IFT22: variants seen among roughly 807,000 people sequenced by gnomAD.
IFT22 encodes the protein intraflagellar transport protein 22 homolog.
A neutral mutation model predicts 21.0 loss-of-function variants in IFT22; 13 were observed. The observed-to-expected ratio is 0.62, with a 90% CI of 0.40 to 0.98. IFT22 has a LOEUF of 0.98. IFT22 is among the 50% of genes least tolerant of loss of function. The pLI is 0.00. For missense variants in IFT22, 227 were observed against 228.9 expected (o/e 0.99, Z 0.06); for synonymous variants, 67 against 82.4 (o/e 0.81, Z 1.01).
At chr7:101,318,381 A>C in intron 2 of IFT22, 168 bp from the exon 3 acceptor site, 1 of 484,482 alleles carries the variant, frequency 2.1e-6, no homozygotes, top group South Asian at 1.9e-5. Context: ...TTAGCTGGGC[A>C]TGATGGTGTG....
Position 101,316,375 on chromosome 7 carries a change from G to C in IFT22, c.374C>G (p.Pro125Arg). ...GCTTCCTTTATCATCTCCAGAGCCT[G>C]GTTTGTGGTGTGCAATTAGCATACA... ...TQCMLIAHHK[P>R]GSGDDKGSLS... The change falls in exon 4 of 5, where the codon CCA becomes CGA. Residue 125 changes from proline (P) to arginine (R), a missense_variant. Coordinates refer to ENST00000315322, the MANE Select transcript of IFT22 (RefSeq NM_022777.4). 6.2e-7 allele frequency: 1 copy of C among 1,614,164 alleles called. No homozygotes were observed. Among genetic ancestry groups the C allele is most frequent in the Non-Finnish European group, 8.5e-7 (1 of 1,180,036 alleles).
At chr7:101,317,261 C>T (rs931538351) in intron 3 of IFT22, among the ~76,000 whole-genome samples, 2 of 151,970 alleles carry the variant, frequency 1.3e-5, no homozygotes, top group East Asian at 1.9e-4. Context: ...CAGGTTCAAG[C>T]GATTCTCGTG....
Position 101,313,386 on chromosome 7 carries a change from A to G in IFT22, c.*1748T>C. 1 of 150,462 alleles carries G rather than the reference A, an allele frequency of 6.6e-6. No individual in the cohort carries two copies. The highest frequency in any genetic ancestry group is 2.1e-4 in the South Asian group (1 of 4,748). The allele number at this position is 150,462 out of a possible 1,614,324, so 9.3% of individuals were successfully genotyped here. ...TTTTTTTGCTCTGTCACCAGGCTGG[A>G]GTGCAGTGGTGCGATCTCGGCTCAC... On this transcript the variant is annotated 3_prime_UTR_variant, in exon 5 of 5. Coordinates refer to ENST00000315322, the MANE Select transcript of IFT22 (RefSeq NM_022777.4).
rs1485359758 is a variant in IFT22, at chr7:101,313,443, C to A, written c.*1691G>T. The A allele has an allele frequency of 9.2e-6, 1 of 108,838 alleles. No individual in the cohort carries two copies. Among genetic ancestry groups the A allele is most frequent in the African/African-American group, 3.5e-5 (1 of 28,970 alleles). The allele number at this position is 108,838 out of a possible 1,614,324, so 6.7% of individuals were successfully genotyped here. The stretch of plus-strand genomic sequence containing the variant: ...CTCCGCCTCGCGGGTTCAGGCAATT[C>A]TGCCTCACCCTTCTGAGTAGCTGGG... On this transcript the variant is annotated 3_prime_UTR_variant, in exon 5 of 5. Transcript: ENST00000315322.
intron 4 of IFT22, chr7:101,316,130 C>G (rs922208878): frequency 3.3e-5 from 18 of 545,210 alleles, no homozygotes; most frequent in African/African-American, 3.2e-4. Flanking sequence ...CCCTGAGTAG[C>G]TGGGAGTACA....
chr7:101,318,189 A>T lies in IFT22; in HGVS notation c.141T>A (p.His47Gln), dbSNP rs1790219357. ...GVRILEFENP[H>Q]VTSNNKGTGC... ...CCGTGCCTTTGTTGTTGCTGGTAAC[A>T]TGCGGGTTCTCAAATTCTAGGATCC... Residue 47 changes from histidine (H) to glutamine (Q), a missense_variant, in exon 3 of 5, where the codon CAT becomes CAA. By Grantham distance (24) the His-to-Gln change is conservative (BLOSUM62 0). Transcript: ENST00000315322. 6.2e-7 allele frequency: 1 copy of T among 1,611,912 alleles called. No individual in the cohort carries two copies. The highest frequency in any genetic ancestry group is 8.5e-7 in the Non-Finnish European group (1 of 1,178,474).
Position 101,314,011 on chromosome 7 carries a change from C to A in IFT22, c.*1123G>T, listed in dbSNP as rs1435506029. ...AGCTGGTATTACAGGCGTGTGCCAA[C>A]ACACCCTGTGAATTTTTGTATTTTT... On this transcript the variant is annotated 3_prime_UTR_variant, in exon 5 of 5. Coordinates refer to ENST00000315322, the MANE Select transcript of IFT22 (RefSeq NM_022777.4). The A allele has an allele frequency of 6.6e-6, 1 of 151,818 alleles. No individual in the cohort carries two copies. The highest frequency in any genetic ancestry group is 1.5e-5 in the Non-Finnish European group (1 of 68,044). 9.4% of individuals were successfully genotyped at this position (151,818 alleles called of 1,614,324 possible).
At chr7:101,316,248 G>T in intron 4 of IFT22, 92 bp downstream of exon 4, 1 of 1,212,826 alleles carries the variant, frequency 8.2e-7, no homozygotes, top group Non-Finnish European at 1.2e-6. Context: ...CTCAGTAACT[G>T]GACAGAGCTG....
intron 1 of IFT22, among the ~76,000 whole-genome samples, chr7:101,321,104 C>G (rs1361321801): frequency 6.6e-6 from 1 of 152,142 alleles, no homozygotes; most frequent in Non-Finnish European, 1.5e-5. Context: ...GATCATGCCA[C>G]TGCACTCCAG....
chr7:101,315,412 A>C, intron 4 of IFT22, 130 bp from the exon 5 acceptor site: 1 of 987,558 alleles, frequency 1.0e-6, no homozygotes, highest in Middle Eastern at 3.1e-4. Context: ...TTGACACCAG[A>C]GAACAGAGAA....
chr7:101,311,438 T>G lies in IFT22; in HGVS notation c.*3696A>C, dbSNP rs886225712. On this transcript the variant is annotated 3_prime_UTR_variant, in exon 5 of 5. Coordinates refer to ENST00000315322, the MANE Select transcript of IFT22 (RefSeq NM_022777.4). Reference sequence around the variant, plus strand: ...GTTCAGTTGACATTAATAATACGCATGGTAATCCTAACAGGTGAATGTGGT... The same window carrying G: ...GTTCAGTTGACATTAATAATACGCAGGGTAATCCTAACAGGTGAATGTGGT... Among the ~76,000 whole-genome samples, 1 of 152,200 alleles carries G rather than the reference T, an allele frequency of 6.6e-6. No individual in the cohort carries two copies. Among genetic ancestry groups the G allele is most frequent in the African/African-American group, 2.4e-5 (1 of 41,460 alleles).
At position 101,315,181 on chromosome 7, in the gene IFT22, A is replaced by G. The variant is rs1435961999; in HGVS notation, c.511T>C (p.Ser171Pro). The G allele has an allele frequency of 6.2e-7, 1 of 1,613,606 alleles. No individual in the cohort carries two copies. The change falls in exon 5 of 5, where the codon TCC becomes CCC. Residue 171 changes from serine to proline, a missense_variant. Transcript: ENST00000315322. ...TCCCTGTCTCTGCTCTCAGACATGG[A>G]GTTGATTATGCTTTTTAAATACTTT... Reference protein sequence around the residue: ...FIKYLKSIINSMSESRDREEM... With the variant: ...FIKYLKSIINPMSESRDREEM...
rs143525764 is a variant in IFT22 at position 101,312,635 on chromosome 7, A to C, written c.*2499T>G. ...ACTGCAACCTCTGCCTCCTGGGTTC[A>C]AGTGATTCTCCTCCCTCAGCTTCCT... On this transcript the variant is annotated 3_prime_UTR_variant, in exon 5 of 5. Coordinates refer to ENST00000315322, the MANE Select transcript of IFT22 (RefSeq NM_022777.4). Among the ~76,000 whole-genome samples, 2,001 of 145,268 alleles carry C rather than the reference A, an allele frequency of 0.014. 172 individuals carry two copies. Among genetic ancestry groups the C allele is most frequent in the Admixed American group, 0.13 (1,875 of 13,928 alleles).
In IFT22 at chr7:101,311,732, C is replaced by T. The variant is rs1300051511; in HGVS notation, c.*3402G>A. 1.3e-5 allele frequency among the ~76,000 whole-genome samples: 2 copies of T among 152,182 alleles called. No individual in the cohort carries two copies. Among genetic ancestry groups the T allele is most frequent in the South Asian group, 2.1e-4 (1 of 4,830 alleles). ...TTATGAATGAAAAATAACTCCATGG[C>T]TGGGTGCAGTGGCTCACACCTGTAA... On this transcript the variant is annotated 3_prime_UTR_variant, in exon 5 of 5. Transcript: ENST00000315322.
Position 101,315,245 on chromosome 7 carries a change from G to T in IFT22, c.447C>A (p.Asn149Lys), listed in dbSNP as rs148720859. ...PLNKLKLVHS[N>K]LEDDPEEIRM... ...GGATCTCCTCAGGGTCATCTTCCAG[G>T]TTTGAGTGCACCAGCTTCAGCTTGT... Residue 149 changes from asparagine (N) to lysine (K), a missense_variant, in exon 5 of 5, where the codon AAC (asparagine) becomes AAA (lysine). Asn to Lys is a moderately conservative substitution (Grantham distance 94). Transcript: ENST00000315322. 2.5e-6 allele frequency: 4 copies of T among 1,613,978 alleles called. No individual in the cohort carries two copies. Among genetic ancestry groups the T allele is most frequent in the Non-Finnish European group, 2.5e-6 (3 of 1,180,002 alleles).
At chr7:101,317,216 T>C (rs1248578326) in intron 3 of IFT22, among the ~76,000 whole-genome samples, 2 of 152,110 alleles carry the variant, frequency 1.3e-5, no homozygotes, top group Admixed American at 6.6e-5. Flanking sequence ...TTGAGTGCCG[T>C]AGCACGATCT....
intron 3 of IFT22, among the ~76,000 whole-genome samples, chr7:101,317,159 T>A (rs1350381773): frequency 6.6e-6 from 1 of 151,676 alleles, no homozygotes; most frequent in Non-Finnish European, 1.5e-5. Flanking sequence ...AAATTATTAT[T>A]ATTATTATTA....
chr7:101,315,072 A>G lies in IFT22; in HGVS notation c.*62T>C. The G allele has an allele frequency of 1.3e-6, 2 of 1,545,596 alleles. No homozygotes were observed. The highest frequency in any genetic ancestry group is 1.8e-6 in the Non-Finnish European group (2 of 1,138,002). On this transcript the variant is annotated 3_prime_UTR_variant, in exon 5 of 5. Transcript: ENST00000315322. ...AACATCAGGAGCTGGATGTGATTTC[A>G]GATCTGCACCGAGAAACATGCTGAT...
chr7:101,310,948 T>TTGTACTC lies in IFT22; in HGVS notation c.*4179_*4185dup, dbSNP rs1188366432. The TTGTACTC allele has an allele frequency of 2.8e-6, 1 of 356,928 alleles. No individual in the cohort carries two copies. The highest frequency in any genetic ancestry group is 2.1e-5 in the African/African-American group (1 of 46,690). The allele number at this position is 356,928 out of a possible 1,614,324, so 22.1% of individuals were successfully genotyped here. On this transcript the variant is annotated 3_prime_UTR_variant, in exon 5 of 5. Coordinates refer to ENST00000315322, the MANE Select transcript of IFT22 (RefSeq NM_022777.4). ...TTACTCAATTCAAATATTTAATGGGTTGTACTCTGGCCATTCAGGTGAACA... is the reference window on the plus strand; with the variant it reads ...TTACTCAATTCAAATATTTAATGGGTTGTACTCTGTACTCTGGCCATTCAGGTGAACA...
Sources: allele counts gnomAD v4.1 joint callset (sites outside exome capture counted in the v4.1 genomes callset), GRCh38; gene constraint gnomAD v4.1.1; transcripts MANE v1.5; gene names NCBI Gene and HGNC (gene_info 2026-07-23, HGNC 2026-07-21).